Variants in PM20D1 observed in about 807,000 individuals in gnomAD.
PM20D1 encodes N-fatty-acyl-amino acid synthase/hydrolase PM20D1.
In PM20D1, 53 loss-of-function variants were observed where a neutral mutation model predicts 53.8. That is an observed-to-expected ratio of 0.98 (90% CI 0.79 to 1.24). PM20D1 has a LOEUF of 1.24. Ranked by LOEUF, PM20D1 falls within the 50% of genes most tolerant of loss-of-function variation. The pLI is 0.00. For missense variants in PM20D1, 564 were observed against 616.8 expected, an observed-to-expected ratio of 0.91 and a Z score of 0.91; for synonymous variants, 239 against 241.3, an observed-to-expected ratio of 0.99 and a Z score of 0.09.
Position 205,832,668 on chromosome 1 carries a change from C to G in PM20D1, c.1215G>C (p.Lys405Asn). 1 of 1,614,150 alleles carries G rather than the reference C, an allele frequency of 6.2e-7. No individual in the cohort carries two copies. The highest frequency in any genetic ancestry group is 8.5e-7 in the Non-Finnish European group (1 of 1,180,014). Reference sequence around the variant, plus strand: ...GGCGGAGCAGCTGGTAGCCCAAGGCCTTGTCATCAGAAGGGCTGACGGGGA... The same window carrying G: ...GGCGGAGCAGCTGGTAGCCCAAGGCGTTGTCATCAGAAGGGCTGACGGGGA... ...DPLPVSPSDD[K>N]ALGYQLLRQT... is the part of the protein sequence containing the mutation. Residue 405 changes from lysine (K) to asparagine (N), a missense_variant, in exon 11 of 13, where the codon AAG (lysine) becomes AAC (asparagine). Physicochemically the swap from Lys to Asn is moderately conservative, Grantham distance 94 (BLOSUM62 0). Coordinates refer to ENST00000367136, the MANE Select transcript of PM20D1 (RefSeq NM_152491.5).
Position 205,830,604 on chromosome 1 carries a change from T to C in PM20D1, c.1286-225A>G, listed in dbSNP as rs528351074. ...GTGAGACATCCCTTGGATGGACCAT[T>C]CAAGGGATGTCTCACCAATGCCCTT... On this transcript the variant is annotated intron_variant, in intron 11 of 12. Coordinates refer to ENST00000367136, the MANE Select transcript of PM20D1 (RefSeq NM_152491.5). Among the ~76,000 whole-genome samples the C allele has an allele frequency of 1.2e-4, 18 of 150,164 alleles. No individual in the cohort carries two copies. The East Asian group carries it at 3.7e-3, about 31-fold the overall frequency.
intron 12 of PM20D1, 64 bp from the exon 13 acceptor site, chr1:205,828,807 T>A: frequency 6.3e-7 from 1 of 1,594,622 alleles, no homozygotes. Flanking sequence ...ACAAGTGTTA[T>A]CACAGAGCAC....
chr1:205,832,810 T>C, intron 10 of PM20D1, 44 bp from the exon 11 acceptor site: 2 of 1,521,888 alleles, frequency 1.3e-6, no homozygotes, highest in Admixed American at 2.1e-5. Flanking sequence ...TATTGATTTC[T>C]ATACATGTAC....
chr1:205,844,814 C>T lies in PM20D1; in HGVS notation c.573G>A (p.Glu191=). ...GTATAAGGTGAGGAGGCTCTACCTC[C>T]TCATCATGGCCCAGAGAAATGAAGA... ...RSFFISLGHD[E]ESSGTGAQRI... The change falls in exon 4 of 13, where the codon GAG becomes GAA. Residue 191 remains glutamate, a synonymous_variant. Coordinates refer to ENST00000367136, the MANE Select transcript of PM20D1 (RefSeq NM_152491.5). 6.2e-7 allele frequency: 1 copy of T among 1,613,582 alleles called. No homozygotes were observed. Among genetic ancestry groups the T allele is most frequent in the Non-Finnish European group, 8.5e-7 (1 of 1,179,640 alleles).
rs751418838 is a variant in PM20D1 at position 205,832,772 on chromosome 1, G to A, written c.1117-6C>T. The A allele has an allele frequency of 1.9e-6, 3 of 1,567,370 alleles. No homozygotes were observed. The Admixed American group carries it at 5.7e-5, about 30-fold the overall frequency. On this transcript the variant is annotated splice_polypyrimidine_tract_variant and splice_region_variant and intron_variant, in intron 10 of 12. Coordinates refer to ENST00000367136, the MANE Select transcript of PM20D1 (RefSeq NM_152491.5). Reference sequence around the variant, plus strand: ...TTCTTCGTGAGTTCTAGGACCTCCAGGGTAGAAACAAAGGGGGTTCGATTT... The same window carrying A: ...TTCTTCGTGAGTTCTAGGACCTCCAAGGTAGAAACAAAGGGGGTTCGATTT...
chr1:205,830,318 C>T lies in PM20D1; in HGVS notation c.1347G>A (p.Arg449=). 6.2e-7 allele frequency: 1 copy of T among 1,612,938 alleles called. No individual in the cohort carries two copies. Among genetic ancestry groups the T allele is most frequent in the Non-Finnish European group, 8.5e-7 (1 of 1,178,954 alleles). Residue 449 remains arginine (R), a synonymous_variant, in exon 12 of 13, where the codon AGG becomes AGA. Transcript: ENST00000367136. The part of the protein sequence containing the change: ...FFTNLTTGIY[R]FYPIYIQPED... ...CAGGCTGTATGTAGATGGGGTAGAACCTGTAGATGCCAGTGGTGAGGTTTG... is the reference window on the plus strand; with the variant it reads ...CAGGCTGTATGTAGATGGGGTAGAATCTGTAGATGCCAGTGGTGAGGTTTG...
rs1249874235 is a variant in PM20D1, at chr1:205,843,694, A to G, written c.800T>C (p.Ile267Thr). The G allele has an allele frequency of 4.3e-6, 7 of 1,613,990 alleles. No homozygotes were observed. The Admixed American group carries it at 5.0e-5, about 12-fold the overall frequency. The change falls in exon 6 of 13, where the codon ATT becomes ACT. Residue 267 changes from isoleucine to threonine, a missense_variant. By Grantham distance (89) the Ile-to-Thr change is moderately conservative. Coordinates refer to ENST00000367136, the MANE Select transcript of PM20D1 (RefSeq NM_152491.5). ...GCTGACAGCAGCTGCAAGGATGCCA[A>G]TGCTTGTCTCCTTTGGAGGAGCTGA... The part of the protein sequence containing the change: ...HSSAPPKETS[I>T]GILAAAVSRL...
intron 12 of PM20D1, 57 bp from the exon 13 acceptor site, chr1:205,828,800 A>C: frequency 1.9e-6 from 3 of 1,604,298 alleles, no homozygotes; most frequent in Non-Finnish European, 2.6e-6. Context: ...CCACAGCACA[A>C]GTGTTATCAC....
At chr1:205,836,694 G>T (rs1656694131) in intron 10 of PM20D1, among the ~76,000 whole-genome samples, 1 of 151,944 alleles carries the variant, frequency 6.6e-6, no homozygotes, top group Non-Finnish European at 1.5e-5. Flanking sequence ...GTAGAGATAG[G>T]GTCTCACTGT....
Position 205,843,669 on chromosome 1 carries a change from G to A in PM20D1, c.825C>T (p.Ser275=), listed in dbSNP as rs755873278. 1.9e-6 allele frequency: 3 copies of A among 1,613,318 alleles called. No individual in the cohort carries two copies. The highest frequency in any genetic ancestry group is 1.7e-5 in the Admixed American group (1 of 59,928). The change falls in exon 6 of 13, where the codon AGC becomes AGT. Residue 275 remains serine, a splice_region_variant and synonymous_variant. Transcript: ENST00000367136. ...GAACAGGGCCAGGAGTTGCTTACCG[G>A]CTGACAGCAGCTGCAAGGATGCCAA... The part of the protein sequence containing the change: ...TSIGILAAAV[S]RLEQTPMPII...
rs1265099144 is a variant in PM20D1, at chr1:205,830,355, C to T, written c.1310G>A (p.Ser437Asn). The change falls in exon 12 of 13, where the codon AGC becomes AAC. Residue 437 changes from serine (S) to asparagine (N), a missense_variant. Coordinates refer to ENST00000367136, the MANE Select transcript of PM20D1 (RefSeq NM_152491.5). Reference protein sequence around the residue: ...APVTSIGNTDSRFFTNLTTGI... With the variant: ...APVTSIGNTDNRFFTNLTTGI... ...AGTGGTGAGGTTTGTAAAGAATCGGCTGTCTGTGTTGCCAATAGAAGTAAC... is the reference window on the plus strand; with the variant it reads ...AGTGGTGAGGTTTGTAAAGAATCGGTTGTCTGTGTTGCCAATAGAAGTAAC... The T allele has an allele frequency of 6.2e-7, 1 of 1,612,184 alleles. No individual in the cohort carries two copies. The highest frequency in any genetic ancestry group is 8.5e-7 in the Non-Finnish European group (1 of 1,178,308).
intron 10 of PM20D1, among the ~76,000 whole-genome samples, chr1:205,834,010 A>AG: frequency 7.2e-6 from 1 of 138,858 alleles, no homozygotes. Context: ...ACTATGCCTG[A>AG]CTAATTTTTG....
chr1:205,850,095 C>T lies in PM20D1; in HGVS notation c.-23G>A. On this transcript the variant is annotated 5_prime_UTR_variant, in exon 1 of 13. Transcript: ENST00000367136. ...CATGCTTCTCTCGAGCTCCTGCTGTCAGGCTACCGGGGTAGTTCTGACCTA... is the reference window on the plus strand; with the variant it reads ...CATGCTTCTCTCGAGCTCCTGCTGTTAGGCTACCGGGGTAGTTCTGACCTA... The T allele has an allele frequency of 1.2e-6, 2 of 1,606,686 alleles. No individual in the cohort carries two copies. The highest frequency in any genetic ancestry group is 1.1e-5 in the South Asian group (1 of 90,430).
intron 2 of PM20D1, 72 bp downstream of exon 2, chr1:205,847,813 T>A: frequency 1.1e-6 from 1 of 933,668 alleles, no homozygotes; most frequent in Non-Finnish European, 1.8e-6. Context: ...AACTTCTTTA[T>A]CACTTTGTAA....
intron 11 of PM20D1, 62 bp downstream of exon 11, chr1:205,832,536 C>T (rs1039064173): frequency 2.5e-6 from 4 of 1,572,782 alleles, no homozygotes; most frequent in South Asian, 2.3e-5. Context: ...GGGAAGTAGA[C>T]ATTGGATAGG....
intron 3 of PM20D1, 21 bp from the exon 4 acceptor site, chr1:205,844,918 G>T: frequency 6.2e-7 from 1 of 1,604,584 alleles, no homozygotes; most frequent in Non-Finnish European, 8.5e-7. Context: ...GAAGCACAAT[G>T]GAAGAGGAAA....
In PM20D1 at chr1:205,845,328, C is replaced by T; in HGVS notation, c.486G>A (p.Val162=). The change falls in exon 3 of 13, where the codon GTG becomes GTA. Residue 162 remains valine (V), a synonymous_variant. Transcript: ENST00000367136. ...GAGGGAACATTGCATCTCAGACCAT[C>T]ACAGAGTTCTTGTCGTCCAGTGTGC... ...GRGTLDDKNS[V]MALLQALELL... is the part of the protein sequence containing the mutation. The T allele has an allele frequency of 6.2e-7, 1 of 1,613,172 alleles. No individual in the cohort carries two copies. The highest frequency in any genetic ancestry group is 8.5e-7 in the Non-Finnish European group (1 of 1,179,072).
At chr1:205,842,624 G>A (rs1007878321) in intron 7 of PM20D1, 52 bp downstream of exon 7, 1 of 1,572,836 alleles carries the variant, frequency 6.4e-7, no homozygotes, top group Non-Finnish European at 8.7e-7. Context: ...TTACTTTTCT[G>A]TCCGTCTTTT....
At chr1:205,832,561 C>T (rs1052348871) in intron 11 of PM20D1, 37 bp downstream of exon 11, 2 of 1,608,854 alleles carry the variant, frequency 1.2e-6, no homozygotes, top group Non-Finnish European at 8.5e-7. Flanking sequence ...AGTTCCAGCC[C>T]CCTCCTCCCT....
Sources: allele counts gnomAD v4.1 joint callset (sites outside exome capture counted in the v4.1 genomes callset), GRCh38; gene constraint gnomAD v4.1.1; transcripts MANE v1.5; gene names NCBI Gene and HGNC (gene_info 2026-07-23, HGNC 2026-07-21).